CTH: variants seen among roughly 807,000 people sequenced by gnomAD.
CTH encodes cystathionine gamma-lyase.
In CTH, 41 loss-of-function variants were observed where a neutral mutation model predicts 50.6. The ratio of observed to expected loss-of-function variants is 0.81; its 90% CI spans 0.63 to 1.05. CTH has a LOEUF of 1.05. Among genes scored for constraint, CTH ranks in the 50% least tolerant of loss-of-function variants. The pLI, the probability that CTH is intolerant of heterozygous loss-of-function variation, is 0.00. For missense variants in CTH, 470 were observed against 492.6 expected (o/e 0.95, Z 0.43); for synonymous variants, 156 against 168.9 (o/e 0.92, Z 0.59).
intron 1 of CTH, among the ~76,000 whole-genome samples, chr1:70,414,262 C>A (rs1684039902): frequency 1.3e-5 from 2 of 151,514 alleles, no homozygotes; most frequent in African/African-American, 4.9e-5. Context: ...GCCTGTAATC[C>A]CAGCACTTTC....
In CTH at chr1:70,415,939, G is replaced by A. The variant is rs201184202; in HGVS notation, c.169-17G>A. 251 of 1,499,472 alleles carry A rather than the reference G, an allele frequency of 1.7e-4. 1 individual carries two copies. Among genetic ancestry groups the A allele is most frequent in the African/African-American group, 2.9e-4 (21 of 72,772 alleles). The allele number at this position is 1,499,472 out of a possible 1,614,324, so 92.9% of individuals were successfully genotyped here. A position where few individuals can be genotyped will look rare whatever the true frequency, so the allele number is the denominator to read the frequency against. ...AACTGAAATCTCTTAGGATGAACTC[G>A]AACTTGTTTTTTTCAGGGTTTTGAA... is the stretch of plus-strand genomic sequence containing the variant. On this transcript the variant is annotated splice_polypyrimidine_tract_variant and intron_variant, in intron 1 of 11. Transcript: ENST00000370938.
intron 3 of CTH, among the ~76,000 whole-genome samples, chr1:70,420,369 A>T (rs1000894187): frequency 6.6e-6 from 1 of 152,108 alleles, no homozygotes; most frequent in Non-Finnish European, 1.5e-5. Flanking sequence ...TCCACCTCAG[A>T]TCATCAGGCA....
chr1:70,412,717 C>T (rs763390596), intron 1 of CTH, among the ~76,000 whole-genome samples: 17 of 152,212 alleles, frequency 1.1e-4, no homozygotes, highest in Non-Finnish European at 1.9e-4. Flanking sequence ...ATCAAAACCT[C>T]TGACTGATCC....
At chr1:70,423,820 G>C (rs891328970) in intron 4 of CTH, among the ~76,000 whole-genome samples, 1 of 152,096 alleles carries the variant, frequency 6.6e-6, no homozygotes, top group South Asian at 2.1e-4. Flanking sequence ...ATAGTTTCTA[G>C]AGTTTCTGGC....
intron 4 of CTH, 125 bp downstream of exon 4, chr1:70,421,800 A>T: frequency 1.0e-6 from 1 of 967,516 alleles, no homozygotes; most frequent in South Asian, 1.4e-5. Context: ...TGGAAACATC[A>T]ACAAAATTAA....
At position 70,433,930 on chromosome 1, in the gene CTH, T is replaced by A. The variant is rs774237583; in HGVS notation, c.980T>A (p.Ile327Asn). 4 of 1,614,026 alleles carry A rather than the reference T, an allele frequency of 2.5e-6. No individual in the cohort carries two copies. The South Asian group carries it at 4.4e-5, about 18-fold the overall frequency. Reference protein sequence around the residue: ...YIKGTLQHAEIFLKNLKLFTL... With the variant: ...YIKGTLQHAENFLKNLKLFTL... ...AAGGGCACTCTTCAGCATGCTGAGA[T>A]TTTCCTCAAGAACCTAAAGGTAAAC... Residue 327 changes from isoleucine (I) to asparagine (N), a missense_variant, in exon 9 of 12, where the codon ATT becomes AAT. Physicochemically the swap from Ile to Asn is moderately radical, Grantham distance 149. Transcript: ENST00000370938.
At chr1:70,421,736 CT>C in intron 4 of CTH, 61 bp downstream of exon 4, 1 of 1,498,512 alleles carries the variant, frequency 6.7e-7, no homozygotes, top group Non-Finnish European at 9.3e-7. Context: ...TTCATCATTT[CT>C]GTTTACTAGA....
chr1:70,434,349 C>G (rs192110636), intron 9 of CTH, among the ~76,000 whole-genome samples: 1 of 152,114 alleles, frequency 6.6e-6, no homozygotes, highest in African/African-American at 2.4e-5. Flanking sequence ...TGGGGTGAGG[C>G]CTTTGTCTAA....
chr1:70,435,777 CAAG>C (rs1684584518), intron 10 of CTH, among the ~76,000 whole-genome samples: 1 of 152,072 alleles, frequency 6.6e-6, no homozygotes, highest in South Asian at 2.1e-4. Context: ...GATATTGGTA[CAAG>C]AAGCAGTCTA....
rs755647434 is a variant in CTH at position 70,416,063 on chromosome 1, A to G, written c.250+26A>G. Reference sequence around the variant, plus strand: ...GTAAGTAATTTCCATTTCACAGTCTAGAATCTATTTTTAAATGTATAGAGA... The same window carrying G: ...GTAAGTAATTTCCATTTCACAGTCTGGAATCTATTTTTAAATGTATAGAGA... On this transcript the variant is annotated intron_variant, in intron 2 of 11. Coordinates refer to ENST00000370938, the MANE Select transcript of CTH (RefSeq NM_001902.6). 4 of 1,279,850 alleles carry G rather than the reference A, an allele frequency of 3.1e-6. No individual in the cohort carries two copies. The African/African-American group carries it at 5.8e-5, about 19-fold the overall frequency. 79.3% of individuals were successfully genotyped at this position (1,279,850 alleles called of 1,614,324 possible). A position where few individuals can be genotyped will look rare whatever the true frequency, so the allele number is the denominator to read the frequency against.
intron 3 of CTH, among the ~76,000 whole-genome samples, chr1:70,419,780 G>T (rs925800842): frequency 1.3e-5 from 2 of 152,190 alleles, no homozygotes; most frequent in African/African-American, 4.8e-5. Flanking sequence ...AGACAGGCTT[G>T]CCCTTGCCTT....
intron 8 of CTH, 59 bp from the exon 9 acceptor site, chr1:70,433,769 C>T (rs1462038573): frequency 6.2e-7 from 1 of 1,609,268 alleles, no homozygotes; most frequent in African/African-American, 1.3e-5. Flanking sequence ...ACCACCCTCC[C>T]CCCCCAAAAA....
chr1:70,421,594 A>T lies in CTH; in HGVS notation c.375A>T (p.Ala125=). ...CAAACAGGTACTTCAGGCAAGTGGC[A>T]TCTGAATTTGGATTAAAGATTTCTT... The part of the protein sequence containing the change: ...GGTNRYFRQV[A]SEFGLKISFV... The change falls in exon 4 of 12, where the codon GCA becomes GCT. Residue 125 remains alanine (A), a synonymous_variant. Transcript: ENST00000370938. 2 of 1,613,958 alleles carry T rather than the reference A, an allele frequency of 1.2e-6. No homozygotes were observed. The highest frequency in any genetic ancestry group is 2.7e-5 in the African/African-American group (2 of 75,046).
chr1:70,432,376 C>T (rs1684496056), intron 8 of CTH, 141 bp downstream of exon 8: 3 of 1,022,068 alleles, frequency 2.9e-6, no homozygotes, highest in Non-Finnish European at 4.4e-6. Flanking sequence ...TGCCATGTGT[C>T]AGGCTCTGTG....
chr1:70,439,268 CT>C lies in CTH; in HGVS notation c.*143del. On this transcript the variant is annotated 3_prime_UTR_variant, in exon 12 of 12. Coordinates refer to ENST00000370938, the MANE Select transcript of CTH (RefSeq NM_001902.6). ...CATTATCTTTCATAACTGTAATTTT[CT>C]TAGGGATCATCTCTGTTAAAAAGTT... 1 of 761,390 alleles carries C rather than the reference CT, an allele frequency of 1.3e-6. No homozygotes were observed. The highest frequency in any genetic ancestry group is 2.3e-6 in the Non-Finnish European group (1 of 430,946). 47.2% of individuals were successfully genotyped at this position (761,390 alleles called of 1,614,324 possible).
In CTH at chr1:70,411,302, C is replaced by T; in HGVS notation, c.-114C>T. 2.8e-6 allele frequency: 3 copies of T among 1,068,202 alleles called. No homozygotes were observed. The highest frequency in any genetic ancestry group is 2.5e-5 in the South Asian group (2 of 79,678). 66.2% of individuals were successfully genotyped at this position (1,068,202 alleles called of 1,614,324 possible). ...GTGCGCTCGCCGTCGGCTCTACCTG[C>T]GTGCTTTAGCTCCTTCTCGCCTGAT... On this transcript the variant is annotated 5_prime_UTR_variant, in exon 1 of 12. Coordinates refer to ENST00000370938, the MANE Select transcript of CTH (RefSeq NM_001902.6).
chr1:70,412,177 G>A (rs1015703415), intron 1 of CTH, among the ~76,000 whole-genome samples: 12 of 152,348 alleles, frequency 7.9e-5, no homozygotes, highest in African/African-American at 2.9e-4. Flanking sequence ...ATTGGAGATG[G>A]AATTCAAACT....
At chr1:70,424,868 G>A (rs1175436782) in intron 5 of CTH, among the ~76,000 whole-genome samples, 2 of 152,084 alleles carry the variant, frequency 1.3e-5, no homozygotes, top group Non-Finnish European at 2.9e-5. Context: ...GGCGGAGCTT[G>A]CAGTGAGCTG....
At position 70,411,311 on chromosome 1, in the gene CTH, G is replaced by T; in HGVS notation, c.-105G>T. ...CCGTCGGCTCTACCTGCGTGCTTTA[G>T]CTCCTTCTCGCCTGATCCTTCTGTC... On this transcript the variant is annotated 5_prime_UTR_variant, in exon 1 of 12. Coordinates refer to ENST00000370938, the MANE Select transcript of CTH (RefSeq NM_001902.6). The T allele has an allele frequency of 1.4e-5, 17 of 1,176,628 alleles. No individual in the cohort carries two copies. The highest frequency in any genetic ancestry group is 2.2e-5 in the Non-Finnish European group (17 of 781,458). The allele number at this position is 1,176,628 out of a possible 1,614,324, so 72.9% of individuals were successfully genotyped here. A position where few individuals can be genotyped will look rare whatever the true frequency, so the allele number is the denominator to read the frequency against.
Sources: gnomAD v4.1 joint callset for allele counts (sites outside exome capture counted in the v4.1 genomes callset) on GRCh38, gnomAD v4.1.1 for gene constraint, MANE v1.5 for transcripts, NCBI Gene and HGNC (gene_info 2026-07-23, HGNC 2026-07-21) for gene names.